CERS6: variants seen among roughly 807,000 people sequenced by gnomAD.
The protein encoded by CERS6 is LAG1 homolog, ceramide synthase 6.
A neutral mutation model predicts 56.8 loss-of-function variants in CERS6; 26 were observed. That is an observed-to-expected ratio of 0.46 (90% CI 0.34 to 0.63). The LOEUF is 0.63. Ranked by LOEUF, CERS6 falls within the 30% of genes least tolerant of loss-of-function variation. The probability of loss-of-function intolerance (pLI) is 0.01; values close to 1 mark genes in which losing one functional copy is unlikely to be tolerated. For synonymous variants in CERS6, 164 were observed against 173.3 expected (o/e 0.95, Z 0.42); for missense variants, 415 against 467.5 (o/e 0.89, Z 1.04).
chr2:168,488,298 T>C (rs1694310006), intron 1 of CERS6, among the ~76,000 whole-genome samples: 1 of 152,162 alleles, frequency 6.6e-6, no homozygotes, highest in Admixed American at 6.5e-5. Context: ...TGTATAAATA[T>C]GTTAGCATAG....
chr2:168,660,725 C>G (rs1685607691), intron 4 of CERS6, among the ~76,000 whole-genome samples: 1 of 151,638 alleles, frequency 6.6e-6, no homozygotes, highest in African/African-American at 2.4e-5. Context: ...GATTTTTTTG[C>G]TATCGCATAG....
intron 8 of CERS6, among the ~76,000 whole-genome samples, chr2:168,753,152 G>A (rs1017196667): frequency 2.0e-5 from 3 of 152,118 alleles, no homozygotes; most frequent in Non-Finnish European, 4.4e-5. Context: ...AAGATAACTC[G>A]CATCACAGAG....
chr2:168,505,517 C>T (rs1296290488), intron 1 of CERS6, among the ~76,000 whole-genome samples: 1 of 151,954 alleles, frequency 6.6e-6, no homozygotes. Flanking sequence ...CCCAGCAGAT[C>T]AGTGATCAGT....
chr2:168,768,480 A>ACCT (rs1293502549), intron 9 of CERS6, among the ~76,000 whole-genome samples: 1 of 146,996 alleles, frequency 6.8e-6, no homozygotes, highest in East Asian at 2.0e-4. Context: ...TGATCCACCC[A>ACCT]CCTCAGGCTC....
intron 8 of CERS6, among the ~76,000 whole-genome samples, chr2:168,724,559 C>G (rs1394007263): frequency 6.6e-6 from 1 of 151,932 alleles, no homozygotes; most frequent in African/African-American, 2.4e-5. Context: ...CAAAGGTTCT[C>G]CACATCCCCA....
At chr2:168,570,525 T>C (rs557379209) in intron 3 of CERS6, among the ~76,000 whole-genome samples, 25 of 152,254 alleles carry the variant, frequency 1.6e-4, no homozygotes, top group South Asian at 1.2e-3. Context: ...TGGTCCTCTG[T>C]GGTGCTGGCT....
chr2:168,735,570 A>G (rs1421299087), intron 8 of CERS6, among the ~76,000 whole-genome samples: 1 of 152,080 alleles, frequency 6.6e-6, no homozygotes, highest in East Asian at 1.9e-4. Context: ...TTTGTCACCA[A>G]CAGCACTTAA....
intron 3 of CERS6, among the ~76,000 whole-genome samples, chr2:168,630,642 A>G (rs1045564842): frequency 2.0e-5 from 3 of 152,178 alleles, no homozygotes; most frequent in African/African-American, 7.2e-5. Flanking sequence ...TATTTGTCTG[A>G]TTCAGATATT....
intron 6 of CERS6, among the ~76,000 whole-genome samples, chr2:168,702,286 C>T (rs1225246273): frequency 6.6e-6 from 1 of 152,080 alleles, no homozygotes; most frequent in East Asian, 1.9e-4. Flanking sequence ...AAATGCAGTT[C>T]TTTTTCTTTT....
intron 1 of CERS6, among the ~76,000 whole-genome samples, chr2:168,536,626 C>T (rs1267962130): frequency 1.3e-5 from 2 of 151,968 alleles, no homozygotes; most frequent in African/African-American, 4.8e-5. Context: ...AAATACCATG[C>T]CCTACCAGGA....
intron 1 of CERS6, among the ~76,000 whole-genome samples, chr2:168,536,169 G>C (rs1381715977): frequency 1.3e-5 from 2 of 152,126 alleles, no homozygotes; most frequent in African/African-American, 4.8e-5. Context: ...GAGTATTTTA[G>C]TGGTCAACCT....
At chr2:168,643,441 C>T (rs1422203277) in intron 4 of CERS6, among the ~76,000 whole-genome samples, 1 of 151,908 alleles carries the variant, frequency 6.6e-6, no homozygotes, top group Non-Finnish European at 1.5e-5. Context: ...GAATGGACTC[C>T]TCTAGTTGAT....
intron 6 of CERS6, among the ~76,000 whole-genome samples, chr2:168,698,296 A>C (rs983943765): frequency 5.4e-5 from 8 of 149,332 alleles, no homozygotes; most frequent in Non-Finnish European, 1.2e-4. Flanking sequence ...AGACTGGGTA[A>C]TTTATAAAGA....
chr2:168,683,537 C>T lies in CERS6; in HGVS notation c.466-7497C>T, dbSNP rs558237423. On this transcript the variant is annotated intron_variant, in intron 4 of 9. Transcript: ENST00000305747. ...GACTAATTTTGTGCTTCTTAATAGCCACTGTCACTGGCTTCATTGTCAGAT... is the reference window on the plus strand; with the variant it reads ...GACTAATTTTGTGCTTCTTAATAGCTACTGTCACTGGCTTCATTGTCAGAT... Among the ~76,000 whole-genome samples the T allele has an allele frequency of 5.9e-5, 9 of 152,262 alleles. No individual in the cohort carries two copies. In the East Asian group the frequency reaches 1.5e-3, roughly 26 times the overall value.
At chr2:168,727,333 G>A (rs536294127) in intron 8 of CERS6, among the ~76,000 whole-genome samples, 23 of 152,130 alleles carry the variant, frequency 1.5e-4, no homozygotes, top group African/African-American at 5.1e-4. Context: ...GGCAGATCAC[G>A]AGGTCAAGAG....
intron 1 of CERS6, among the ~76,000 whole-genome samples, chr2:168,475,860 A>G (rs1341776504): frequency 6.6e-6 from 1 of 152,188 alleles, no homozygotes; most frequent in Non-Finnish European, 1.5e-5. Flanking sequence ...TGGTCTTGCA[A>G]CATGGTGGCT....
At chr2:168,657,800 C>T (rs575543815) in intron 4 of CERS6, among the ~76,000 whole-genome samples, 7 of 152,342 alleles carry the variant, frequency 4.6e-5, no homozygotes, top group South Asian at 2.1e-4. Flanking sequence ...CACGCAGCCC[C>T]GGTTCCCGCT....
intron 1 of CERS6, among the ~76,000 whole-genome samples, chr2:168,534,270 C>T (rs537409009): frequency 1.3e-5 from 2 of 152,158 alleles, no homozygotes; most frequent in Admixed American, 1.3e-4. Context: ...GCTGGGGCGA[C>T]GTTGCGATCA....
At chr2:168,678,029 A>G (rs1686109172) in intron 4 of CERS6, among the ~76,000 whole-genome samples, 1 of 152,246 alleles carries the variant, frequency 6.6e-6, no homozygotes, top group South Asian at 2.1e-4. Flanking sequence ...GCAATCATTA[A>G]AAATTCAGGA....
Sources: allele counts gnomAD v4.1 joint callset (sites outside exome capture counted in the v4.1 genomes callset), GRCh38; gene constraint gnomAD v4.1.1; transcripts MANE v1.5; gene names NCBI Gene and HGNC (gene_info 2026-07-23, HGNC 2026-07-21).